Variants in DOCK7 observed in about 807,000 individuals in gnomAD.
DOCK7 encodes dedicator of cytokinesis 7, also known as dedicator of cytokinesis protein 7.
Under a neutral mutation model 271.0 loss-of-function variants are expected in DOCK7, and 138 were observed. That is an observed-to-expected ratio of 0.51 (90% CI 0.44 to 0.59). The LOEUF (loss-of-function observed/expected upper bound fraction) is 0.59, where lower values mean the gene tolerates loss of function less well. DOCK7 is among the 20% of genes least tolerant of loss of function. The pLI, the probability that DOCK7 is intolerant of heterozygous loss-of-function variation, is 0.00. For synonymous variants in DOCK7, 823 were observed against 876.1 expected, an observed-to-expected ratio of 0.94 and a Z score of 1.07; for missense variants, 2,066 against 2,592.4, an observed-to-expected ratio of 0.80 and a Z score of 4.41.
chr1:62,638,680 T>G (rs1179553818), intron 7 of DOCK7, among the ~76,000 whole-genome samples: 1 of 148,508 alleles, frequency 6.7e-6, no homozygotes, highest in Non-Finnish European at 1.5e-5. Context: ...TATATATATA[T>G]AGATATGAAA....
At chr1:62,463,743 C>A (rs902044431) in intron 48 of DOCK7, among the ~76,000 whole-genome samples, 4 of 151,936 alleles carry the variant, frequency 2.6e-5, no homozygotes, top group African/African-American at 7.3e-5. Flanking sequence ...ATTTAGGGAA[C>A]CATTTATGAT....
Position 62,671,403 on chromosome 1 carries a change from C to T in DOCK7, c.39-8273G>A, listed in dbSNP as rs147462060. ...AAGAATGCTTGAATGGAACAACTTA[C>T]GAGAGCTCCTTCAGGGCAGGGACCA... On this transcript the variant is annotated intron_variant, in intron 1 of 49. Transcript: ENST00000635253. Among the ~76,000 whole-genome samples the T allele has an allele frequency of 1.5e-3, 233 of 152,292 alleles. 2 individuals carry two copies. Among genetic ancestry groups the T allele is most frequent in the African/African-American group, 4.9e-3 (202 of 41,568 alleles).
Position 62,586,766 on chromosome 1 carries a change from C to T in DOCK7, c.1683-142G>A, listed in dbSNP as rs1035741518. On this transcript the variant is annotated intron_variant, in intron 14 of 49. Transcript: ENST00000635253. ...TTATGCTAAGTATTTTCACATGTGA[C>T]GTTTTATTTACTCCTGAGAGCAATC... 21 of 476,340 alleles carry T rather than the reference C, an allele frequency of 4.4e-5. No homozygotes were observed. The South Asian group carries it at 6.0e-4, about 14-fold the overall frequency. The allele number at this position is 476,340 out of a possible 1,614,324, so 29.5% of individuals were successfully genotyped here. A position where few individuals can be genotyped will look rare whatever the true frequency, so the allele number is the denominator to read the frequency against.
At chr1:62,535,753 T>A in intron 28 of DOCK7, 121 bp from the exon 29 acceptor site, 1 of 912,994 alleles carries the variant, frequency 1.1e-6, no homozygotes, top group Non-Finnish European at 1.5e-6. Context: ...TTACTAACAC[T>A]GAAGACAAAG....
At chr1:62,649,897 A>C (rs1375195492) in intron 4 of DOCK7, among the ~76,000 whole-genome samples, 1 of 152,112 alleles carries the variant, frequency 6.6e-6, no homozygotes, top group East Asian at 1.9e-4. Context: ...TACAGGGCTC[A>C]CTTCCTTCAG....
intron 21 of DOCK7, 78 bp from the exon 22 acceptor site, chr1:62,552,979 T>C (rs1038438546): frequency 2.6e-6 from 3 of 1,141,668 alleles, no homozygotes; most frequent in Non-Finnish European, 3.5e-6. Context: ...TCTGCCACTT[T>C]AGAAAATTCC....
chr1:62,626,494 C>CA lies in DOCK7; in HGVS notation c.1283-1094dup, dbSNP rs1259388577. On this transcript the variant is annotated intron_variant, in intron 11 of 49. Coordinates refer to ENST00000635253, the MANE Select transcript of DOCK7 (RefSeq NM_001367561.1). ...CAAATCTTTAGCTAAAATGATGAAC[C>CA]AAAAAAAAAAAGACTCAAATTACTA... Among the ~76,000 whole-genome samples, 822 of 130,490 alleles carry CA rather than the reference C, an allele frequency of 6.3e-3. 8 individuals are homozygous for CA. Among genetic ancestry groups the CA allele is most frequent in the African/African-American group, 0.017 (605 of 35,642 alleles). The allele number at this position is 130,490 out of a possible 152,430, so 85.6% of individuals were successfully genotyped here. A position where few individuals can be genotyped will look rare whatever the true frequency, so the allele number is the denominator to read the frequency against.
At chr1:62,610,170 AT>A (rs1651584851) in intron 14 of DOCK7, among the ~76,000 whole-genome samples, 2 of 152,172 alleles carry the variant, frequency 1.3e-5, no homozygotes, top group South Asian at 4.1e-4. Flanking sequence ...TATAGTTAAA[AT>A]AAACTAGGAC....
At chr1:62,588,906 A>C (rs1410268496) in intron 14 of DOCK7, among the ~76,000 whole-genome samples, 3 of 151,994 alleles carry the variant, frequency 2.0e-5, no homozygotes, top group Non-Finnish European at 4.4e-5. Context: ...ACACTGGGCT[A>C]ATTTTTCTAT....
At chr1:62,653,958 C>G in intron 3 of DOCK7, 26 bp downstream of exon 3, 8 of 1,601,602 alleles carry the variant, frequency 5.0e-6, no homozygotes, top group South Asian at 3.4e-5. Context: ...TCCTCTAAAG[C>G]CAAAAATAAG....
chr1:62,587,024 C>A (rs1647632615), intron 14 of DOCK7, among the ~76,000 whole-genome samples: 1 of 151,922 alleles, frequency 6.6e-6, no homozygotes, highest in Non-Finnish European at 1.5e-5. Flanking sequence ...CTTAGTTCCT[C>A]CAAGCACATA....
intron 34 of DOCK7, among the ~76,000 whole-genome samples, 174 bp from the exon 35 acceptor site, chr1:62,508,232 TG>T (rs1055626720): frequency 6.6e-6 from 1 of 152,244 alleles, no homozygotes; most frequent in Non-Finnish European, 1.5e-5. Context: ...GCAGCTTTTT[TG>T]TTAACCACAA....
At chr1:62,505,355 T>C (rs928864542) in intron 36 of DOCK7, among the ~76,000 whole-genome samples, 4 of 152,180 alleles carry the variant, frequency 2.6e-5, no homozygotes, top group African/African-American at 4.8e-5. Flanking sequence ...GAGTTTTTTA[T>C]AAAAACAGAA....
chr1:62,658,264 G>A (rs1658263402), intron 2 of DOCK7, among the ~76,000 whole-genome samples: 1 of 151,976 alleles, frequency 6.6e-6, no homozygotes, highest in South Asian at 2.1e-4. Flanking sequence ...GACCAGCCTG[G>A]CGAACATGGC....
At chr1:62,473,859 G>T in intron 48 of DOCK7, 123 bp downstream of exon 48, 1 of 624,412 alleles carries the variant, frequency 1.6e-6, no homozygotes, top group Non-Finnish European at 2.7e-6. Flanking sequence ...TGCTGAGATT[G>T]CAGGTGTAAG....
intron 18 of DOCK7, among the ~76,000 whole-genome samples, chr1:62,576,817 C>T (rs1043703327): frequency 6.6e-6 from 1 of 152,110 alleles, no homozygotes; most frequent in African/African-American, 2.4e-5. Context: ...AGGTTCACAG[C>T]TACTTTGTTT....
In DOCK7 at chr1:62,494,521, G is replaced by A. The variant is rs1197061721; in HGVS notation, c.5025-54C>T. 3.3e-6 allele frequency: 5 copies of A among 1,507,904 alleles called. No individual in the cohort carries two copies. The African/African-American group carries it at 5.5e-5, about 17-fold the overall frequency. The allele number at this position is 1,507,904 out of a possible 1,614,324, so 93.4% of individuals were successfully genotyped here. On this transcript the variant is annotated intron_variant, in intron 39 of 49. Transcript: ENST00000635253. ...AGTATGTGCTTCCCAAGCTGGGAGG[G>A]AGTTTAGATAGCTCGCTCAGAGTTT...
intron 22 of DOCK7, among the ~76,000 whole-genome samples, chr1:62,547,198 G>C (rs1645740032): frequency 1.3e-5 from 2 of 152,088 alleles, no homozygotes; most frequent in African/African-American, 4.8e-5. Flanking sequence ...AATTACACTA[G>C]TCAAAGCTAA....
chr1:62,510,408 A>C (rs915525308), intron 34 of DOCK7, among the ~76,000 whole-genome samples, 169 bp downstream of exon 34: 8 of 152,284 alleles, frequency 5.3e-5, no homozygotes, highest in African/African-American at 1.9e-4. Context: ...TCTTCCTCCA[A>C]ATCTTTTTAA....
Sources: allele counts gnomAD v4.1 joint callset (sites outside exome capture counted in the v4.1 genomes callset), GRCh38; gene constraint gnomAD v4.1.1; transcripts MANE v1.5; gene names NCBI Gene and HGNC (gene_info 2026-07-23, HGNC 2026-07-21).